The following TMEM135 variants were observed in gnomAD, a reference collection of about 807,000 sequenced individuals.
TMEM135 encodes transmembrane protein 135.
TMEM135 carries 30 observed loss-of-function variants against 60.3 expected under a neutral mutation model. That is an observed-to-expected ratio of 0.50 (90% CI 0.37 to 0.68). TMEM135 has a LOEUF of 0.68. Among genes scored for constraint, TMEM135 ranks in the 30% least tolerant of loss-of-function variants. The pLI, the probability that TMEM135 is intolerant of heterozygous loss-of-function variation, is 0.00. For synonymous variants in TMEM135, 190 were observed against 186.7 expected (o/e 1.02, Z -0.14); for missense variants, 468 against 548.8 (o/e 0.85, Z 1.47).
chr11:87,125,665 A>G (rs1376283671), intron 4 of TMEM135, among the ~76,000 whole-genome samples: 1 of 152,200 alleles, frequency 6.6e-6, no homozygotes, highest in Non-Finnish European at 1.5e-5. Context: ...ATAGAAAACC[A>G]TTGGAGACTT....
intron 6 of TMEM135, among the ~76,000 whole-genome samples, chr11:87,239,942 T>TC (rs1360986219): frequency 6.6e-6 from 1 of 152,154 alleles, no homozygotes; most frequent in Non-Finnish European, 1.5e-5. Context: ...TTTTTAATAG[T>TC]TATTTTACAT....
At chr11:87,159,924 CA>C (rs1446903732) in intron 5 of TMEM135, among the ~76,000 whole-genome samples, 1 of 152,030 alleles carries the variant, frequency 6.6e-6, no homozygotes, top group Admixed American at 6.6e-5. Context: ...AACCTGAAAT[CA>C]TTGTATTTAT....
intron 5 of TMEM135, among the ~76,000 whole-genome samples, chr11:87,190,382 G>A (rs1939770714): frequency 6.6e-6 from 1 of 152,144 alleles, no homozygotes; most frequent in Non-Finnish European, 1.5e-5. Flanking sequence ...GAGAGAGAAG[G>A]AGAGAGAATT....
intron 6 of TMEM135, among the ~76,000 whole-genome samples, chr11:87,260,206 A>G (rs535785326): frequency 2.6e-5 from 4 of 152,336 alleles, no homozygotes; most frequent in Admixed American, 2.6e-4. Context: ...TATTATCACA[A>G]AAGCATCCAG....
chr11:87,061,175 G>A (rs1458915431), intron 1 of TMEM135, among the ~76,000 whole-genome samples: 1 of 152,050 alleles, frequency 6.6e-6, no homozygotes, highest in South Asian at 2.1e-4. Flanking sequence ...TAAAAATTCT[G>A]GAACTAACAT....
At chr11:87,161,223 C>T (rs1938869639) in intron 5 of TMEM135, among the ~76,000 whole-genome samples, 1 of 152,012 alleles carries the variant, frequency 6.6e-6, no homozygotes, top group Non-Finnish European at 1.5e-5. Flanking sequence ...AAATGGGTTT[C>T]CCTATTTGAG....
chr11:87,221,586 A>G (rs1409060327), intron 5 of TMEM135, among the ~76,000 whole-genome samples: 1 of 152,182 alleles, frequency 6.6e-6, no homozygotes, highest in Non-Finnish European at 1.5e-5. Flanking sequence ...TGCTCTCTGT[A>G]CACAAATTTT....
chr11:87,061,430 G>A (rs920948623), intron 1 of TMEM135, among the ~76,000 whole-genome samples: 3 of 152,188 alleles, frequency 2.0e-5, no homozygotes, highest in African/African-American at 7.2e-5. Flanking sequence ...CCAAGGCTGA[G>A]AAACTCTACT....
chr11:87,221,104 G>T (rs971396154), intron 5 of TMEM135, among the ~76,000 whole-genome samples: 8 of 152,066 alleles, frequency 5.3e-5, no homozygotes, highest in Non-Finnish European at 1.2e-4. Context: ...ATCTTCTGGA[G>T]AAAAAAGATT....
intron 5 of TMEM135, among the ~76,000 whole-genome samples, chr11:87,185,810 A>C (rs1939639012): frequency 6.6e-6 from 1 of 152,214 alleles, no homozygotes. Flanking sequence ...GCATTAGTTT[A>C]TAAAAATCCT....
At position 87,097,728 on chromosome 11, in the gene TMEM135, TC is replaced by T. The variant is rs754690122; in HGVS notation, c.396+6334del. Among the ~76,000 whole-genome samples, 41 of 152,326 alleles carry T rather than the reference TC, an allele frequency of 2.7e-4. 1 individual carries two copies. The highest frequency in any genetic ancestry group is 2.9e-4 in the Non-Finnish European group (20 of 68,028). On this transcript the variant is annotated intron_variant, in intron 4 of 14. Coordinates refer to ENST00000305494, the MANE Select transcript of TMEM135 (RefSeq NM_022918.4). ...TGAGCATGACAAGCATGCTTTCTCT[TC>T]AGGACTTTGATACTTGCTGTTCGCT... is the stretch of plus-strand genomic sequence containing the variant.
At chr11:87,075,332 T>G (rs1006740792) in intron 3 of TMEM135, among the ~76,000 whole-genome samples, 1 of 151,660 alleles carries the variant, frequency 6.6e-6, no homozygotes, top group Non-Finnish European at 1.5e-5. Context: ...TTTTTTGTAT[T>G]TTTAGTAGAG....
intron 5 of TMEM135, among the ~76,000 whole-genome samples, chr11:87,163,170 A>G (rs1938936844): frequency 7.1e-6 from 1 of 140,984 alleles, no homozygotes; most frequent in African/African-American, 2.7e-5. Flanking sequence ...TATATCTCCC[A>G]ATGCTATCCC....
chr11:87,062,030 A>G (rs1368867903), intron 1 of TMEM135, among the ~76,000 whole-genome samples: 2 of 151,954 alleles, frequency 1.3e-5, no homozygotes, highest in African/African-American at 4.8e-5. Flanking sequence ...TCTTGAGACA[A>G]AGTCTCACTC....
chr11:87,042,745 T>C (rs1949760668), intron 1 of TMEM135, among the ~76,000 whole-genome samples: 2 of 152,180 alleles, frequency 1.3e-5, no homozygotes, highest in Admixed American at 6.5e-5. Context: ...GATTTCTTCA[T>C]GTCATATTTA....
rs113858011 is a variant in TMEM135 at position 87,306,135 on chromosome 11, A to T, written c.768+130A>T. On this transcript the variant is annotated intron_variant, in intron 9 of 14. Coordinates refer to ENST00000305494, the MANE Select transcript of TMEM135 (RefSeq NM_022918.4). The stretch of plus-strand genomic sequence containing the variant: ...TAAATGCTATCATTCTTTGAATTTG[A>T]CTTCAAGAGTGAGAAATTTATGACA... 5.9e-5 allele frequency: 30 copies of T among 504,204 alleles called. 1 individual carries two copies. Among genetic ancestry groups the T allele is most frequent in the African/African-American group, 4.1e-4 (21 of 50,912 alleles). The allele number at this position is 504,204 out of a possible 1,614,324, so 31.2% of individuals were successfully genotyped here. A position where few individuals can be genotyped will look rare whatever the true frequency, so the allele number is the denominator to read the frequency against.
intron 10 of TMEM135, among the ~76,000 whole-genome samples, chr11:87,312,353 C>T (rs1170087470): frequency 6.6e-6 from 1 of 151,866 alleles, no homozygotes; most frequent in Non-Finnish European, 1.5e-5. Flanking sequence ...ACTTCACATA[C>T]AGTGTCAGAC....
At chr11:87,129,954 T>A (rs1937869762) in intron 4 of TMEM135, among the ~76,000 whole-genome samples, 1 of 152,188 alleles carries the variant, frequency 6.6e-6, no homozygotes, top group African/African-American at 2.4e-5. Flanking sequence ...GATTTCATAA[T>A]TCTCCAGACA....
intron 5 of TMEM135, among the ~76,000 whole-genome samples, chr11:87,207,979 C>G (rs554476935): frequency 1.3e-5 from 2 of 152,142 alleles, no homozygotes; most frequent in African/African-American, 4.8e-5. Flanking sequence ...AGCCTTGCCC[C>G]CTAAAAACAT....
Sources: gnomAD v4.1 joint callset for allele counts (sites outside exome capture counted in the v4.1 genomes callset) on GRCh38, gnomAD v4.1.1 for gene constraint, MANE v1.5 for transcripts, NCBI Gene and HGNC (gene_info 2026-07-23, HGNC 2026-07-21) for gene names.